PCDH11X: variants seen among roughly 807,000 people sequenced by gnomAD.
PCDH11X encodes protocadherin 11 X-linked.
In PCDH11X, 18 loss-of-function variants were observed where a neutral mutation model predicts 53.3. That is an observed-to-expected ratio of 0.34 (90% CI 0.23 to 0.50). PCDH11X has a LOEUF of 0.50. Among genes scored for constraint, PCDH11X ranks in the 20% least tolerant of loss-of-function variants. The probability of loss-of-function intolerance (pLI) is 0.98; values close to 1 mark genes in which losing one functional copy is unlikely to be tolerated. For missense variants in PCDH11X, 570 were observed against 1,032.4 expected (o/e 0.55, Z 6.14); for synonymous variants, 279 against 393.3 (o/e 0.71, Z 3.44).
chrX:92,159,132 T>TA (rs1401448063), intron 6 of PCDH11X, among the ~76,000 whole-genome samples: 8 of 111,709 alleles, frequency 7.2e-5, no homozygotes, highest in Non-Finnish European at 1.5e-4. Context: ...TATTAAAAAG[T>TA]AAAGAAACTT....
At chrX:92,444,783 T>G in intron 9 of PCDH11X, among the ~76,000 whole-genome samples, 1 of 104,686 alleles carries the variant, frequency 9.6e-6, no homozygotes, top group Middle Eastern at 4.9e-3. Context: ...CAAAAGCTTT[T>G]TCTGCATCTA....
Position 92,360,734 on chromosome X carries a change from T to C in PCDH11X, c.3145-27001T>C, listed in dbSNP as rs1018063188. 1.4e-4 allele frequency among the ~76,000 whole-genome samples: 16 copies of C among 110,846 alleles called. 1 individual carries two copies. The highest frequency in any genetic ancestry group is 5.2e-4 in the African/African-American group (16 of 30,618). ...CAACTAAATCTACTTAGTGTCTATA[T>C]GCTGCAGGCACTATTCTGGGCACTG... On this transcript the variant is annotated intron_variant, in intron 8 of 10. Transcript: ENST00000682573.
At chrX:92,275,058 A>T (rs1277513836) in intron 8 of PCDH11X, among the ~76,000 whole-genome samples, 1 of 103,402 alleles carries the variant, frequency 9.7e-6, no homozygotes, top group Non-Finnish European at 2.0e-5. Flanking sequence ...TGAGGAAGAA[A>T]ATAGATTTTG....
chrX:92,614,196 C>T (rs1927714720), intron 10 of PCDH11X, among the ~76,000 whole-genome samples: 1 of 111,030 alleles, frequency 9.0e-6, no homozygotes, highest in South Asian at 3.8e-4. Context: ...ATGGTGATGT[C>T]ACTGCATTCA....
At chrX:92,559,138 A>G (rs2075092974) in intron 10 of PCDH11X, among the ~76,000 whole-genome samples, 1 of 111,190 alleles carries the variant, frequency 9.0e-6, no homozygotes, top group South Asian at 3.7e-4. Context: ...TAATTAACTC[A>G]AAGGCTTTTG....
At chrX:92,334,270 A>C (rs2069562966) in intron 8 of PCDH11X, among the ~76,000 whole-genome samples, 1 of 111,808 alleles carries the variant, frequency 8.9e-6, no homozygotes, top group African/African-American at 3.2e-5. Context: ...ACACAGCACC[A>C]TTTGCAGTTG....
chrX:91,976,058 CGTT>C (rs1019734817), intron 6 of PCDH11X, among the ~76,000 whole-genome samples: 1 of 111,140 alleles, frequency 9.0e-6, no homozygotes, highest in South Asian at 3.8e-4. Flanking sequence ...ATTTTCTTTT[CGTT>C]GTTGTTTTTG....
rs756065612 is a variant in PCDH11X, at chrX:92,267,148, C to A, written c.3144+4005C>A. ...AAACTGCTCTTTTTATTCAATCTAC[C>A]AGCTTTCCCTTATTTAGCATTAACC... On this transcript the variant is annotated intron_variant, in intron 8 of 10. Coordinates refer to ENST00000682573, the MANE Select transcript of PCDH11X (RefSeq NM_032968.5). 5.4e-5 allele frequency among the ~76,000 whole-genome samples: 6 copies of A among 112,000 alleles called. No individual in the cohort carries two copies. In the South Asian group the frequency reaches 2.2e-3, roughly 42 times the overall value.
At chrX:92,188,884 C>T (rs906893098) in intron 6 of PCDH11X, among the ~76,000 whole-genome samples, 3 of 111,005 alleles carry the variant, frequency 2.7e-5, no homozygotes, top group African/African-American at 9.8e-5. Context: ...GTCTTCAATG[C>T]AATCACAGAT....
At chrX:92,159,183 A>T (rs1299784170) in intron 6 of PCDH11X, among the ~76,000 whole-genome samples, 2 of 111,376 alleles carry the variant, frequency 1.8e-5, no homozygotes, top group Non-Finnish European at 3.8e-5. Context: ...GAACATATGA[A>T]ATAATAATGA....
chrX:91,812,098 C>A (rs2147561719), intron 4 of PCDH11X, among the ~76,000 whole-genome samples: 1 of 111,607 alleles, frequency 9.0e-6, no homozygotes, highest in East Asian at 2.8e-4. Context: ...TGCACCCCCA[C>A]AACTTTGTCA....
chrX:92,251,764 T>C (rs2067465513), intron 7 of PCDH11X, among the ~76,000 whole-genome samples: 2 of 111,129 alleles, frequency 1.8e-5, no homozygotes, highest in Admixed American at 1.9e-4. Context: ...TCACCATCAT[T>C]ATTATCATCA....
chrX:92,384,537 C>T (rs2070970158), intron 8 of PCDH11X, among the ~76,000 whole-genome samples: 1 of 103,515 alleles, frequency 9.7e-6, no homozygotes, highest in Admixed American at 1.0e-4. Flanking sequence ...TCAAATAAGT[C>T]TCCCTGAGCA....
At chrX:91,999,409 G>C (rs2062472315) in intron 6 of PCDH11X, among the ~76,000 whole-genome samples, 1 of 111,345 alleles carries the variant, frequency 9.0e-6, no homozygotes, top group Non-Finnish European at 1.9e-5. Flanking sequence ...TATGTGCATT[G>C]ATATTTGTTT....
intron 8 of PCDH11X, among the ~76,000 whole-genome samples, chrX:92,323,480 C>T (rs1207582345): frequency 9.1e-6 from 1 of 110,264 alleles, no homozygotes; most frequent in Non-Finnish European, 1.9e-5. Flanking sequence ...ACTTGGTGAG[C>T]CCGTGTATAG....
chrX:91,848,840 G>A (rs951694986), intron 5 of PCDH11X, among the ~76,000 whole-genome samples: 6 of 111,248 alleles, frequency 5.4e-5, no homozygotes, highest in African/African-American at 1.3e-4. Context: ...AAATTTCTAC[G>A]TACATTGACT....
chrX:91,914,890 A>G (rs1006065053), intron 6 of PCDH11X, among the ~76,000 whole-genome samples: 34 of 111,837 alleles, frequency 3.0e-4, no homozygotes, highest in South Asian at 7.5e-4. Flanking sequence ...CAAGAAGCTC[A>G]AAGAACACCT....
intron 7 of PCDH11X, among the ~76,000 whole-genome samples, chrX:92,258,687 A>G (rs1167281785): frequency 9.0e-6 from 1 of 111,463 alleles, no homozygotes; most frequent in Non-Finnish European, 1.9e-5. Flanking sequence ...AATTTCTACA[A>G]CCAGCTTAAA....
chrX:92,375,301 G>T (rs1177441410), intron 8 of PCDH11X, among the ~76,000 whole-genome samples: 1 of 91,240 alleles, frequency 1.1e-5, no homozygotes, highest in Non-Finnish European at 2.1e-5. Context: ...TCAGCCTCCT[G>T]AGTAGCTAGG....
Sources: gnomAD v4.1 joint callset for allele counts (sites outside exome capture counted in the v4.1 genomes callset) on GRCh38, gnomAD v4.1.1 for gene constraint, MANE v1.5 for transcripts, NCBI Gene and HGNC (gene_info 2026-07-23, HGNC 2026-07-21) for gene names.